Variants in ICA1 observed in about 807,000 individuals in gnomAD.
ICA1 encodes 69 kDa islet cell autoantigen.
Under a neutral mutation model 71.0 loss-of-function variants are expected in ICA1, and 40 were observed. That is an observed-to-expected ratio of 0.56 (90% CI 0.44 to 0.73). ICA1 has a LOEUF of 0.73. Among genes scored for constraint, ICA1 ranks in the 30% least tolerant of loss-of-function variants. ICA1 has a pLI of 0.00. For synonymous variants in ICA1, 207 were observed against 209.5 expected (o/e 0.99, Z 0.10); for missense variants, 578 against 576.5 (o/e 1.00, Z -0.03).
rs140088486 is a variant in ICA1 at position 8,248,631 on chromosome 7, G to A, written c.-79-12626C>T. On this transcript the variant is annotated intron_variant, in intron 1 of 13. Transcript: ENST00000402384. The stretch of plus-strand genomic sequence containing the variant: ...TTCAGGAGGCTGAGGTGGGAGGATC[G>A]CTTGAGCCAGGAAGGTGGAAGTTGC... Among the ~76,000 whole-genome samples, 410 of 152,284 alleles carry A rather than the reference G, an allele frequency of 2.7e-3. 2 individuals carry two copies. The highest frequency in any genetic ancestry group is 9.6e-3 in the African/African-American group (398 of 41,556).
At chr7:8,215,244 T>A (rs1795036402) in intron 6 of ICA1, among the ~76,000 whole-genome samples, 1 of 152,116 alleles carries the variant, frequency 6.6e-6, no homozygotes, top group Admixed American at 6.6e-5. Flanking sequence ...CACACTCACC[T>A]CACCTTCTGT....
intron 1 of ICA1, among the ~76,000 whole-genome samples, chr7:8,250,398 T>C (rs1807751643): frequency 6.6e-6 from 1 of 152,204 alleles, no homozygotes; most frequent in African/African-American, 2.4e-5. Context: ...AAATGGGCAT[T>C]CCCATGGAGG....
intron 6 of ICA1, among the ~76,000 whole-genome samples, chr7:8,197,993 T>C (rs1357536394): frequency 2.6e-5 from 4 of 152,238 alleles, no homozygotes; most frequent in Non-Finnish European, 5.9e-5. Flanking sequence ...TTCCCTATAT[T>C]TTGGAATGAT....
Position 8,129,426 on chromosome 7 carries a change from A to G in ICA1, c.1061-1284T>C, listed in dbSNP as rs562389614. 2.0e-5 allele frequency among the ~76,000 whole-genome samples: 3 copies of G among 151,890 alleles called. No individual in the cohort carries two copies. In the South Asian group the frequency reaches 6.2e-4, roughly 32 times the overall value. On this transcript the variant is annotated intron_variant, in intron 12 of 13. Coordinates refer to ENST00000402384, the MANE Select transcript of ICA1 (RefSeq NM_001136020.3). ...GGCTTTACTGGATCTATTTTCAATC[A>G]CACTTTACATAAAGATCTAAAGATG...
chr7:8,118,218 A>C (rs1488972962), intron 13 of ICA1, among the ~76,000 whole-genome samples: 1 of 152,236 alleles, frequency 6.6e-6, no homozygotes, highest in Non-Finnish European at 1.5e-5. Flanking sequence ...ATTTATCAAG[A>C]CTAACTTAAT....
chr7:8,241,813 C>A (rs1012799452), intron 1 of ICA1, among the ~76,000 whole-genome samples: 1 of 152,094 alleles, frequency 6.6e-6, no homozygotes, highest in Non-Finnish European at 1.5e-5. Flanking sequence ...TCAAAAGAGA[C>A]AAAGAAGGCC....
chr7:8,227,527 T>C (rs1027595646), intron 4 of ICA1: 3 of 247,598 alleles, frequency 1.2e-5, no homozygotes, highest in Non-Finnish European at 2.5e-5. Context: ...CCTCAAACAC[T>C]TAGGAAATAC....
intron 6 of ICA1, among the ~76,000 whole-genome samples, chr7:8,183,630 CT>C (rs1208952637): frequency 6.6e-6 from 1 of 152,090 alleles, no homozygotes; most frequent in Non-Finnish European, 1.5e-5. Context: ...GTTATTTAAC[CT>C]TTCTGAATTT....
chr7:8,167,405 G>C (rs1273058554), intron 6 of ICA1, among the ~76,000 whole-genome samples: 3 of 152,286 alleles, frequency 2.0e-5, no homozygotes, highest in Admixed American at 1.3e-4. Flanking sequence ...TTCTCACCTA[G>C]AGTAGAAGCT....
chr7:8,175,340 G>T (rs1780252508), intron 6 of ICA1, among the ~76,000 whole-genome samples: 1 of 152,134 alleles, frequency 6.6e-6, no homozygotes, highest in African/African-American at 2.4e-5. Context: ...GGAAGATGTG[G>T]TTGTCATTTT....
In ICA1 at chr7:8,210,287, C is replaced by G. The variant is rs973385541; in HGVS notation, c.579+8018G>C. On this transcript the variant is annotated intron_variant, in intron 6 of 13. Coordinates refer to ENST00000402384, the MANE Select transcript of ICA1 (RefSeq NM_001136020.3). ...TGTGGAGACTGAATAATGGTAGCAG[C>G]TGAGGATCAGCCTCTAGCTTGGGAA... Among the ~76,000 whole-genome samples the G allele has an allele frequency of 3.3e-5, 5 of 152,172 alleles. No individual in the cohort carries two copies. In the South Asian group the frequency reaches 6.2e-4, roughly 19 times the overall value.
chr7:8,124,189 C>T (rs1341870253), intron 13 of ICA1, among the ~76,000 whole-genome samples: 6 of 139,442 alleles, frequency 4.3e-5, no homozygotes, highest in Non-Finnish European at 6.0e-5. Context: ...GGCGGGATCT[C>T]GGCTCACTGC....
At chr7:8,151,393 G>A (rs1798755130) in intron 8 of ICA1, among the ~76,000 whole-genome samples, 1 of 152,138 alleles carries the variant, frequency 6.6e-6, no homozygotes, top group South Asian at 2.1e-4. Context: ...TGGTGGCCTT[G>A]GTCAGTCCCT....
At position 8,139,013 on chromosome 7, in the gene ICA1, G is replaced by C; in HGVS notation, c.990C>G (p.Asp330Glu). 1 of 1,613,420 alleles carries C rather than the reference G, an allele frequency of 6.2e-7. No individual in the cohort carries two copies. Among genetic ancestry groups the C allele is most frequent in the Non-Finnish European group, 8.5e-7 (1 of 1,179,480 alleles). The change falls in exon 11 of 14, where the codon GAC (aspartate) becomes GAG (glutamate). Residue 330 changes from aspartate (D) to glutamate (E), a missense_variant. Coordinates refer to ENST00000402384, the MANE Select transcript of ICA1 (RefSeq NM_001136020.3). ...AGCATGCAGTATGTGTAGAGCCTTT[G>C]TCTAAGGCAGATAAAATACTTTTTC... ...EDGKSILSAL[D>E]KGSTHTACSG...
chr7:8,256,644 T>C (rs991380547), intron 1 of ICA1, among the ~76,000 whole-genome samples: 6 of 152,194 alleles, frequency 3.9e-5, no homozygotes, highest in African/African-American at 1.4e-4. Context: ...ACTGAAGAGT[T>C]AACTGCTCCA....
At chr7:8,181,792 T>C (rs1489927543) in intron 6 of ICA1, among the ~76,000 whole-genome samples, 1 of 152,164 alleles carries the variant, frequency 6.6e-6, no homozygotes, top group Non-Finnish European at 1.5e-5. Flanking sequence ...AGTATTCACA[T>C]CACCTTTCTT....
intron 2 of ICA1, among the ~76,000 whole-genome samples, chr7:8,233,126 ACACACTCTCTC>A (rs1435806208): frequency 6.6e-6 from 1 of 151,372 alleles, no homozygotes; most frequent in African/African-American, 2.5e-5. Flanking sequence ...CCAGACACCA[ACACACTCTCTC>A]CACTCTAACA....
At chr7:8,175,671 C>G (rs932193512) in intron 6 of ICA1, among the ~76,000 whole-genome samples, 1 of 152,160 alleles carries the variant, frequency 6.6e-6, no homozygotes, top group Non-Finnish European at 1.5e-5. Flanking sequence ...ACTTGCTCTT[C>G]AGAAGTTCAG....
intron 6 of ICA1, among the ~76,000 whole-genome samples, chr7:8,181,291 A>ATG (rs1207649718): frequency 6.6e-6 from 1 of 152,192 alleles, no homozygotes; most frequent in East Asian, 1.9e-4. Context: ...GTGACCTTAT[A>ATG]TGTGTGGGAT....
Sources: allele counts gnomAD v4.1 joint callset (sites outside exome capture counted in the v4.1 genomes callset), GRCh38; gene constraint gnomAD v4.1.1; transcripts MANE v1.5; gene names NCBI Gene and HGNC (gene_info 2026-07-23, HGNC 2026-07-21).